OPRM1: variants seen among roughly 807,000 people sequenced by gnomAD.
OPRM1 encodes the protein mu-type opioid receptor.
In OPRM1, 27 loss-of-function variants were observed where a neutral mutation model predicts 31.8. The observed-to-expected ratio is 0.85, with a 90% CI of 0.63 to 1.17. The LOEUF is 1.17. OPRM1 is among the 50% of genes most tolerant of loss of function. OPRM1 has a pLI of 0.00. For missense variants in OPRM1, 536 were observed against 511.1 expected (o/e 1.05, Z -0.47); for synonymous variants, 196 against 189.9 (o/e 1.03, Z -0.26).
At chr6:154,017,500 C>T (rs1778073784) in intron 1 of OPRM1, among the ~76,000 whole-genome samples, 2 of 152,132 alleles carry the variant, frequency 1.3e-5, no homozygotes, top group South Asian at 2.1e-4. Context: ...GGCATTCACT[C>T]CATCTTCCAC....
At chr6:154,071,641 G>T (rs1012760127) in intron 1 of OPRM1, among the ~76,000 whole-genome samples, 1 of 152,148 alleles carries the variant, frequency 6.6e-6, no homozygotes, top group Non-Finnish European at 1.5e-5. Context: ...ATTTGGGAAA[G>T]GATTCAAAGA....
At chr6:154,234,266 G>A (rs545681187) in intron 3 of OPRM1, among the ~76,000 whole-genome samples, 17 of 152,182 alleles carry the variant, frequency 1.1e-4, no homozygotes, top group Non-Finnish European at 1.5e-4. Flanking sequence ...AAAACTCTGC[G>A]GTACATGTTT....
chr6:154,107,171 T>C (rs1562479350), intron 3 of OPRM1, among the ~76,000 whole-genome samples: 1 of 152,210 alleles, frequency 6.6e-6, no homozygotes, highest in Non-Finnish European at 1.5e-5. Flanking sequence ...GATGGAGTCC[T>C]TGGAAGAATG....
intron 1 of OPRM1, among the ~76,000 whole-genome samples, chr6:154,085,628 C>G (rs1244520596): frequency 1.3e-5 from 2 of 152,170 alleles, no homozygotes; most frequent in African/African-American, 4.8e-5. Flanking sequence ...TGCCACAGAA[C>G]ACATTCACAG....
Position 154,085,641 on chromosome 6 carries a change from C to T in OPRM1, c.291-4185C>T, listed in dbSNP as rs116382131. Reference sequence around the variant, plus strand: ...TTTGCCACAGAACACATTCACAGCACAGTACAAAGCAGTAGGCATGGAGTA... The same window carrying T: ...TTTGCCACAGAACACATTCACAGCATAGTACAAAGCAGTAGGCATGGAGTA... On this transcript the variant is annotated intron_variant, in intron 1 of 3. Coordinates refer to ENST00000330432, the MANE Select transcript of OPRM1 (RefSeq NM_000914.5). 3.3e-3 allele frequency among the ~76,000 whole-genome samples: 501 copies of T among 152,220 alleles called. 2 individuals carry two copies. Among genetic ancestry groups the T allele is most frequent in the African/African-American group, 0.012 (488 of 41,542 alleles).
chr6:154,241,155 G>C (rs1780547450), intron 3 of OPRM1, among the ~76,000 whole-genome samples: 1 of 148,930 alleles, frequency 6.7e-6, no homozygotes, highest in South Asian at 2.1e-4. Context: ...AGAATCGCTT[G>C]AACCCGGGAG....
intron 1 of OPRM1, among the ~76,000 whole-genome samples, chr6:154,011,309 A>G (rs1027348029): frequency 3.3e-5 from 5 of 152,164 alleles, no homozygotes; most frequent in Admixed American, 2.0e-4. Context: ...CGGAGTTCCT[A>G]TGGTGACTTC....
chr6:154,135,530 G>GAT (rs1798040568), downstream of OPRM1, among the ~76,000 whole-genome samples: 1 of 148,746 alleles, frequency 6.7e-6, no homozygotes. Context: ...TATAGATATA[G>GAT]ATATAGATAT....
chr6:154,010,908 A>G, exon 1 of OPRM1: 1 of 1,316,134 alleles, frequency 7.6e-7, no homozygotes, highest in Non-Finnish European at 9.9e-7. Context: ...ACCAGCCCTT[A>G]CATCCCATCA....
upstream of OPRM1, among the ~76,000 whole-genome samples, chr6:154,037,409 T>C (rs2128391415): frequency 6.6e-6 from 1 of 151,818 alleles, no homozygotes; most frequent in Non-Finnish European, 1.5e-5. Flanking sequence ...ACAAAGTTTA[T>C]AATCTGGCTT....
Position 154,119,515 on chromosome 6 carries a change from G to C in OPRM1, c.*794G>C, listed in dbSNP as rs1471618497. ...ATTTAAGTGTTCACAAAAGGTAATA[G>C]TCAATGAGCTCATCACTTCATCCAT... On this transcript the variant is annotated 3_prime_UTR_variant, in exon 4 of 4. Coordinates refer to ENST00000330432, the MANE Select transcript of OPRM1 (RefSeq NM_000914.5). 2.4e-6 allele frequency: 2 copies of C among 818,022 alleles called. No homozygotes were observed. The highest frequency in any genetic ancestry group is 3.0e-6 in the Non-Finnish European group (2 of 677,702). The allele number at this position is 818,022 out of a possible 1,614,324, so 50.7% of individuals were successfully genotyped here.
intron 1 of OPRM1, among the ~76,000 whole-genome samples, chr6:154,082,121 T>C (rs1305104851): frequency 6.6e-6 from 1 of 152,168 alleles, no homozygotes; most frequent in Non-Finnish European, 1.5e-5. Flanking sequence ...AAACAAATAT[T>C]CCCTCTTCAG....
chr6:154,119,958 A>C lies in OPRM1; in HGVS notation c.*1237A>C, dbSNP rs1208344203. 9.9e-5 allele frequency among the ~76,000 whole-genome samples: 15 copies of C among 152,216 alleles called. No homozygotes were observed. The highest frequency in any genetic ancestry group is 9.8e-4 in the Admixed American group (15 of 15,278). On this transcript the variant is annotated 3_prime_UTR_variant, in exon 4 of 4. Coordinates refer to ENST00000330432, the MANE Select transcript of OPRM1 (RefSeq NM_000914.5). ...CGATCTTCTAAGTAGTTTCTTTAAGACAATTCTCCGCTTTAACTGATTTTC... is the reference window on the plus strand; with the variant it reads ...CGATCTTCTAAGTAGTTTCTTTAAGCCAATTCTCCGCTTTAACTGATTTTC...
upstream of OPRM1, chr6:154,039,103 C>T (rs1017684131): frequency 6.7e-7 from 1 of 1,488,038 alleles, no homozygotes; most frequent in African/African-American, 1.4e-5. Flanking sequence ...TTTTTCACTG[C>T]TACCAAAGAC....
At chr6:154,205,662 C>A (rs1777433456) in intron 3 of OPRM1, among the ~76,000 whole-genome samples, 1 of 152,084 alleles carries the variant, frequency 6.6e-6, no homozygotes, top group Non-Finnish European at 1.5e-5. Context: ...AATTAGTTAC[C>A]TAACTAGTTA....
At chr6:154,163,062 G>C (rs1562517667) in intron 3 of OPRM1, among the ~76,000 whole-genome samples, 1 of 152,300 alleles carries the variant, frequency 6.6e-6, no homozygotes, top group East Asian at 1.9e-4. Flanking sequence ...AGCAAAGGCT[G>C]ATGGTTCTAC....
intron 1 of OPRM1, among the ~76,000 whole-genome samples, chr6:154,048,909 A>G (rs1178923005): frequency 1.3e-5 from 2 of 152,224 alleles, no homozygotes; most frequent in African/African-American, 4.8e-5. Context: ...AATATAGTCA[A>G]TTCCCATTAT....
At chr6:154,160,162 G>A (rs565093031) in intron 3 of OPRM1, 29 of 741,954 alleles carry the variant, frequency 3.9e-5, no homozygotes, top group African/African-American at 3.1e-4. Context: ...ATTTTTGCAC[G>A]TTAATGTTCT....
chr6:154,199,784 G>A (rs1040514995), intron 3 of OPRM1: 3 of 1,614,244 alleles, frequency 1.9e-6, no homozygotes, highest in East Asian at 2.2e-5. Flanking sequence ...ACTTTCTGAT[G>A]TGACAAAACT....
Sources: allele counts gnomAD v4.1 joint callset (sites outside exome capture counted in the v4.1 genomes callset), GRCh38; gene constraint gnomAD v4.1.1; transcripts MANE v1.5; gene names NCBI Gene and HGNC (gene_info 2026-07-23, HGNC 2026-07-21).